ATP8A1: variants seen among roughly 807,000 people sequenced by gnomAD.
The protein encoded by ATP8A1 is phospholipid-transporting ATPase IA.
A neutral mutation model predicts 177.7 loss-of-function variants in ATP8A1; 90 were observed. That is an observed-to-expected ratio of 0.51 (90% CI 0.43 to 0.60). The LOEUF (loss-of-function observed/expected upper bound fraction) is 0.60, where lower values mean the gene tolerates loss of function less well. Ranked by LOEUF, ATP8A1 falls within the 20% of genes least tolerant of loss-of-function variation. The pLI, the probability that ATP8A1 is intolerant of heterozygous loss-of-function variation, is 0.00. For missense variants in ATP8A1, 1,072 were observed against 1,392.8 expected, an observed-to-expected ratio of 0.77 and a Z score of 3.67; for synonymous variants, 493 against 485.9, an observed-to-expected ratio of 1.01 and a Z score of -0.19.
intron 33 of ATP8A1, among the ~76,000 whole-genome samples, chr4:42,435,400 T>C (rs1251363254): frequency 1.6e-5 from 2 of 128,680 alleles, no homozygotes; most frequent in African/African-American, 6.0e-5. Flanking sequence ...TACTCCAGCC[T>C]GGGGGACAAG....
intron 22 of ATP8A1, 67 bp from the exon 23 acceptor site, chr4:42,507,221 A>G: frequency 6.6e-7 from 1 of 1,507,598 alleles, no homozygotes; most frequent in Non-Finnish European, 9.1e-7. Flanking sequence ...AAAAAATTGA[A>G]GTGTGTATAT....
intron 27 of ATP8A1, among the ~76,000 whole-genome samples, chr4:42,457,934 G>C (rs549017332): frequency 1.3e-5 from 2 of 152,252 alleles, no homozygotes; most frequent in South Asian, 4.1e-4. Context: ...TGAAAGGTAG[G>C]TGAACATGTT....
At chr4:42,486,826 C>T (rs766299757) in intron 24 of ATP8A1, among the ~76,000 whole-genome samples, 18 of 152,132 alleles carry the variant, frequency 1.2e-4, no homozygotes, top group Non-Finnish European at 2.4e-4. Flanking sequence ...GCTATAAGGG[C>T]TTGTAGCCTA....
rs1203816277 is a variant in ATP8A1, at chr4:42,461,248, C to CT, written c.2619+3441dup. On this transcript the variant is annotated intron_variant, in intron 27 of 36. Coordinates refer to ENST00000381668, the MANE Select transcript of ATP8A1 (RefSeq NM_006095.2). ...ATATACTGAGATCAATTTTTTCTTT[C>CT]TTTTTTTTTTTTTTGCTTTTTGCTA... Among the ~76,000 whole-genome samples the CT allele has an allele frequency of 1.6e-3, 117 of 75,052 alleles. 1 individual carries two copies. The highest frequency in any genetic ancestry group is 2.5e-3 in the African/African-American group (35 of 13,748). The allele number at this position is 75,052 out of a possible 152,430, so 49.2% of individuals were successfully genotyped here.
At chr4:42,518,390 A>G (rs1725779507) in intron 22 of ATP8A1, among the ~76,000 whole-genome samples, 3 of 152,158 alleles carry the variant, frequency 2.0e-5, no homozygotes, top group Admixed American at 6.5e-5. Context: ...TTGTTTTCTA[A>G]AAGTCCACAT....
intron 6 of ATP8A1, among the ~76,000 whole-genome samples, chr4:42,594,955 C>T (rs1407829047): frequency 1.3e-5 from 2 of 152,046 alleles, no homozygotes; most frequent in Non-Finnish European, 2.9e-5. Flanking sequence ...ATTGTACTAC[C>T]TCTTAGCATT....
chr4:42,501,788 T>G (rs1014106004), intron 24 of ATP8A1, among the ~76,000 whole-genome samples: 1 of 152,110 alleles, frequency 6.6e-6, no homozygotes, highest in African/African-American at 2.4e-5. Flanking sequence ...AACAAATGAG[T>G]ACACTGCAGC....
intron 24 of ATP8A1, among the ~76,000 whole-genome samples, chr4:42,495,237 C>T (rs1723143980): frequency 6.6e-6 from 1 of 152,204 alleles, no homozygotes; most frequent in African/African-American, 2.4e-5. Context: ...ATTCTAGAAA[C>T]ATTCTTAATA....
chr4:42,414,711 C>CG lies in ATP8A1; in HGVS notation c.3312dup (p.Glu1105ArgfsTer11). ...ACGTTCTTGAGCAGTTGCGCCCTCT[C>CG]GGTCAGGCTGCAGAGCAGGTGCAAA... On this transcript the variant is annotated frameshift_variant, in exon 36 of 37. Transcript: ENST00000381668. LOFTEE classifies it high-confidence loss of function. 1 of 1,613,710 alleles carries CG rather than the reference C, an allele frequency of 6.2e-7. No individual in the cohort carries two copies. The highest frequency in any genetic ancestry group is 1.3e-5 in the African/African-American group (1 of 74,988).
chr4:42,471,509 TAA>T (rs1437442377), intron 25 of ATP8A1, among the ~76,000 whole-genome samples: 3 of 152,240 alleles, frequency 2.0e-5, no homozygotes, highest in Non-Finnish European at 4.4e-5. Context: ...ATGATTCAGA[TAA>T]GTAGTTTAAA....
intron 4 of ATP8A1, among the ~76,000 whole-genome samples, chr4:42,623,073 C>T (rs190195661): frequency 1.4e-4 from 21 of 150,710 alleles, no homozygotes; most frequent in Middle Eastern, 3.5e-3. Context: ...GACATACATG[C>T]GGCCAGCAAA....
chr4:42,525,341 G>A (rs1015543036), intron 20 of ATP8A1, among the ~76,000 whole-genome samples: 4 of 152,172 alleles, frequency 2.6e-5, no homozygotes, highest in Non-Finnish European at 5.9e-5. Context: ...CCCCAAACTC[G>A]TTGAATCACA....
chr4:42,471,928 C>A lies in ATP8A1; in HGVS notation c.2325-6852G>T, dbSNP rs1329803824. 5 of 655,786 alleles carry A rather than the reference C, an allele frequency of 7.6e-6. No individual in the cohort carries two copies. In the East Asian group the frequency reaches 1.6e-4, roughly 20 times the overall value. The allele number at this position is 655,786 out of a possible 1,614,324, so 40.6% of individuals were successfully genotyped here. On this transcript the variant is annotated intron_variant, in intron 25 of 36. Transcript: ENST00000381668. ...GATAAACTCGGACCTCAAGGCTCAGCTCAGGAAGCTGAGTATTACAGCAGC... is the reference window on the plus strand; with the variant it reads ...GATAAACTCGGACCTCAAGGCTCAGATCAGGAAGCTGAGTATTACAGCAGC...
At chr4:42,635,752 T>C (rs1041347775) in intron 1 of ATP8A1, among the ~76,000 whole-genome samples, 3 of 70,826 alleles carry the variant, frequency 4.2e-5, no homozygotes, top group South Asian at 5.0e-4. Flanking sequence ...TATACATATA[T>C]ATACACACAC....
At chr4:42,511,618 G>A (rs762709041) in intron 22 of ATP8A1, among the ~76,000 whole-genome samples, 2 of 152,132 alleles carry the variant, frequency 1.3e-5, no homozygotes, top group Non-Finnish European at 2.9e-5. Flanking sequence ...CCTAATGTAT[G>A]CAGAATTTTT....
At position 42,461,244 on chromosome 4, in the gene ATP8A1, C is replaced by CTTT. The variant is rs777847439; in HGVS notation, c.2619+3443_2619+3445dup. 5.9e-5 allele frequency among the ~76,000 whole-genome samples: 5 copies of CTTT among 84,546 alleles called. 1 individual carries two copies. Among genetic ancestry groups the CTTT allele is most frequent in the Admixed American group, 1.4e-4 (1 of 7,014 alleles). The allele number at this position is 84,546 out of a possible 152,430, so 55.5% of individuals were successfully genotyped here. A position where few individuals can be genotyped will look rare whatever the true frequency, so the allele number is the denominator to read the frequency against. ...TAAAATATACTGAGATCAATTTTTT[C>CTTT]TTTCTTTTTTTTTTTTTTGCTTTTT... is the stretch of plus-strand genomic sequence containing the variant. On this transcript the variant is annotated intron_variant, in intron 27 of 36. Transcript: ENST00000381668.
At chr4:42,623,625 A>C (rs1254668083) in intron 4 of ATP8A1, among the ~76,000 whole-genome samples, 2 of 152,162 alleles carry the variant, frequency 1.3e-5, no homozygotes, top group Non-Finnish European at 2.9e-5. Context: ...GTGTGTTCTC[A>C]CTTGTAAATG....
In ATP8A1 at chr4:42,465,052, T is replaced by C; in HGVS notation, c.2349A>G (p.Glu783=). 6.2e-7 allele frequency: 1 copy of C among 1,613,182 alleles called. No individual in the cohort carries two copies. ...CTTGTTTCTTAACCATCTCAACAAC[T>C]TCAGATTTTTGAAGAGGAGAAACCC... is the stretch of plus-strand genomic sequence containing the variant. The part of the protein sequence containing the change: ...CCRVSPLQKS[E]VVEMVKKQVK... Residue 783 remains glutamate, a synonymous_variant, in exon 26 of 37, where the codon GAA becomes GAG. Transcript: ENST00000381668.
In ATP8A1 at chr4:42,616,161, T is replaced by A. The variant is rs1736896948; in HGVS notation, c.364-83A>T. 3 of 1,172,806 alleles carry A rather than the reference T, an allele frequency of 2.6e-6. No individual in the cohort carries two copies. In the East Asian group the frequency reaches 7.1e-5, roughly 28 times the overall value. The allele number at this position is 1,172,806 out of a possible 1,614,324, so 72.6% of individuals were successfully genotyped here. A position where few individuals can be genotyped will look rare whatever the true frequency, so the allele number is the denominator to read the frequency against. On this transcript the variant is annotated intron_variant, in intron 4 of 36. Coordinates refer to ENST00000381668, the MANE Select transcript of ATP8A1 (RefSeq NM_006095.2). ...AGAGAGCACTCATACCAAAAAAGAT[T>A]TAGCTTATGTTTCTCAAGGTTTTTA...
Sources: allele counts gnomAD v4.1 joint callset (sites outside exome capture counted in the v4.1 genomes callset), GRCh38; gene constraint gnomAD v4.1.1; transcripts MANE v1.5; gene names NCBI Gene and HGNC (gene_info 2026-07-23, HGNC 2026-07-21).